Variants in CLSTN2 observed in about 807,000 individuals in gnomAD.
The protein encoded by CLSTN2 is calsyntenin-2.
In CLSTN2, 48 loss-of-function variants were observed where a neutral mutation model predicts 101.2. The observed-to-expected ratio is 0.47, with a 90% CI of 0.38 to 0.60. The LOEUF is 0.60. CLSTN2 is among the 20% of genes least tolerant of loss of function. The pLI, the probability that CLSTN2 is intolerant of heterozygous loss-of-function variation, is 0.00. For missense variants in CLSTN2, 1,160 were observed against 1,238.2 expected (o/e 0.94, Z 0.95); for synonymous variants, 481 against 463.6 (o/e 1.04, Z -0.48).
intron 2 of CLSTN2, among the ~76,000 whole-genome samples, chr3:140,200,620 G>T (rs979722039): frequency 2.0e-5 from 3 of 152,158 alleles, no homozygotes; most frequent in Non-Finnish European, 2.9e-5. Flanking sequence ...CTGCTATTAA[G>T]TTAAAACTTC....
At chr3:140,188,654 C>T (rs952075052) in intron 2 of CLSTN2, among the ~76,000 whole-genome samples, 1 of 152,154 alleles carries the variant, frequency 6.6e-6, no homozygotes, top group Non-Finnish European at 1.5e-5. Flanking sequence ...AGGAAAGAGA[C>T]TGATGCTACC....
intron 1 of CLSTN2, among the ~76,000 whole-genome samples, chr3:139,967,969 A>G (rs1184467215): frequency 1.3e-5 from 2 of 152,146 alleles, no homozygotes; most frequent in African/African-American, 4.8e-5. Flanking sequence ...AGTCTCATAC[A>G]GACACATATA....
chr3:140,411,971 A>G (rs1468684242), intron 4 of CLSTN2, among the ~76,000 whole-genome samples: 16 of 152,164 alleles, frequency 1.1e-4, no homozygotes, highest in Admixed American at 1.0e-3. Flanking sequence ...GTTTTTACTG[A>G]GTTCAAAGCA....
intron 2 of CLSTN2, among the ~76,000 whole-genome samples, chr3:140,198,451 T>G (rs2010676581): frequency 6.7e-6 from 1 of 149,874 alleles, no homozygotes; most frequent in African/African-American, 2.5e-5. Context: ...TGGGCTGCAC[T>G]CTCCTCTGGA....
intron 1 of CLSTN2, among the ~76,000 whole-genome samples, chr3:139,994,853 C>T (rs1256015626): frequency 6.6e-6 from 1 of 152,202 alleles, no homozygotes; most frequent in Non-Finnish European, 1.5e-5. Context: ...TTTCCTTTGC[C>T]ACTAAGGAGT....
At chr3:140,350,689 T>C (rs112714437) in intron 2 of CLSTN2, among the ~76,000 whole-genome samples, 2,795 of 152,312 alleles carry the variant, frequency 0.018, 80 homozygotes, top group African/African-American at 0.064. Flanking sequence ...ATATCTTTTG[T>C]AGATGGCATG....
At chr3:140,226,690 T>G (rs1314623784) in intron 2 of CLSTN2, among the ~76,000 whole-genome samples, 3 of 152,190 alleles carry the variant, frequency 2.0e-5, no homozygotes, top group African/African-American at 7.2e-5. Context: ...TCCATTTTCA[T>G]GCTGCTGATA....
chr3:140,150,384 T>C (rs951083548), intron 1 of CLSTN2, among the ~76,000 whole-genome samples: 20 of 152,170 alleles, frequency 1.3e-4, no homozygotes, highest in African/African-American at 4.6e-4. Flanking sequence ...ATCTACATCA[T>C]TGGATTGTTG....
intron 1 of CLSTN2, among the ~76,000 whole-genome samples, chr3:139,961,129 T>C (rs1426964724): frequency 6.6e-6 from 1 of 152,130 alleles, no homozygotes; most frequent in Non-Finnish European, 1.5e-5. Context: ...TTGTCTATTG[T>C]TCACATAGGG....
intron 2 of CLSTN2, among the ~76,000 whole-genome samples, chr3:140,350,471 A>C (rs962503669): frequency 6.6e-6 from 1 of 152,302 alleles, no homozygotes; most frequent in Admixed American, 6.5e-5. Context: ...AGGGGGCATG[A>C]ATTGTGAAAG....
chr3:140,109,132 T>C (rs957838837), intron 1 of CLSTN2, among the ~76,000 whole-genome samples: 2 of 152,196 alleles, frequency 1.3e-5, no homozygotes, highest in African/African-American at 4.8e-5. Flanking sequence ...TGAGTCTTTA[T>C]GGGGTCTCAG....
chr3:140,123,359 A>T (rs944670434), intron 1 of CLSTN2, among the ~76,000 whole-genome samples: 1 of 152,110 alleles, frequency 6.6e-6, no homozygotes, highest in Non-Finnish European at 1.5e-5. Context: ...TTAAGTTTCA[A>T]CATGAATTTT....
chr3:140,259,664 C>G (rs1287183337), intron 2 of CLSTN2, among the ~76,000 whole-genome samples: 1 of 152,098 alleles, frequency 6.6e-6, no homozygotes, highest in Non-Finnish European at 1.5e-5. Context: ...ACCCGACAGG[C>G]AACTAATGAT....
intron 2 of CLSTN2, among the ~76,000 whole-genome samples, chr3:140,339,441 C>T (rs1442313243): frequency 6.6e-6 from 1 of 152,126 alleles, no homozygotes; most frequent in Non-Finnish European, 1.5e-5. Flanking sequence ...ATCACTTACT[C>T]TTAGAATCTC....
chr3:140,292,707 G>C (rs1331414836), intron 2 of CLSTN2, among the ~76,000 whole-genome samples: 1 of 152,106 alleles, frequency 6.6e-6, no homozygotes, highest in East Asian at 1.9e-4. Flanking sequence ...ACCTCTCTCA[G>C]GCTCAATTTT....
chr3:140,118,391 T>C (rs2009280756), intron 1 of CLSTN2, among the ~76,000 whole-genome samples: 1 of 152,156 alleles, frequency 6.6e-6, no homozygotes, highest in South Asian at 2.1e-4. Context: ...AAACTTCCCA[T>C]TTCCAGAGAC....
intron 7 of CLSTN2, among the ~76,000 whole-genome samples, chr3:140,466,276 T>C (rs770679022): frequency 6.6e-6 from 1 of 152,202 alleles, no homozygotes; most frequent in African/African-American, 2.4e-5. Flanking sequence ...TCCAGAAGCA[T>C]CTGTAACCAA....
At chr3:139,972,115 T>G (rs1576381590) in intron 1 of CLSTN2, among the ~76,000 whole-genome samples, 1 of 152,030 alleles carries the variant, frequency 6.6e-6, no homozygotes, top group South Asian at 2.1e-4. Context: ...AATACAAAAA[T>G]TAGCTGGGTG....
At chr3:140,542,211 A>G (rs924347540) in intron 9 of CLSTN2, among the ~76,000 whole-genome samples, 2 of 152,190 alleles carry the variant, frequency 1.3e-5, no homozygotes, top group Non-Finnish European at 2.9e-5. Flanking sequence ...TAGAACATCT[A>G]TCATACTGGC....
Sources: allele counts gnomAD v4.1 joint callset (sites outside exome capture counted in the v4.1 genomes callset), GRCh38; gene constraint gnomAD v4.1.1; transcripts MANE v1.5; gene names NCBI Gene and HGNC (gene_info 2026-07-23, HGNC 2026-07-21).